The following PDE1A variants were observed in gnomAD, a reference collection of about 807,000 sequenced individuals.
The protein encoded by PDE1A is phosphodiesterase 1A.
PDE1A carries 35 observed loss-of-function variants against 61.7 expected under a neutral mutation model. The observed-to-expected ratio is 0.57, with a 90% CI of 0.43 to 0.75. The LOEUF is 0.75. PDE1A is among the 30% of genes least tolerant of loss of function. PDE1A has a pLI of 0.00. For missense variants in PDE1A, 597 were observed against 630.6 expected (o/e 0.95, Z 0.57); for synonymous variants, 232 against 213.2 (o/e 1.09, Z -0.77).
intron 1 of PDE1A, among the ~76,000 whole-genome samples, chr2:182,302,729 C>T (rs1695326076): frequency 6.6e-6 from 1 of 152,286 alleles, no homozygotes; most frequent in South Asian, 2.1e-4. Flanking sequence ...TAGCATTTGA[C>T]CCACAGTACT....
the PDE1A span, among the ~76,000 whole-genome samples, chr2:182,544,593 T>G: frequency 0.78 from 117,727 of 151,658 alleles, 47,359 homozygotes; most frequent in East Asian, 1. Context: ...GTCGTGGAGA[T>G]AGAATTTGTT....
downstream of PDE1A, among the ~76,000 whole-genome samples, chr2:182,166,637 G>A (rs1691666688): frequency 6.6e-6 from 1 of 152,098 alleles, no homozygotes; most frequent in Non-Finnish European, 1.5e-5. Flanking sequence ...ATGGGACTTT[G>A]CCTTTATGAC....
intron 1 of PDE1A, among the ~76,000 whole-genome samples, chr2:182,397,773 T>C (rs949114792): frequency 3.3e-5 from 5 of 152,216 alleles, no homozygotes; most frequent in African/African-American, 1.2e-4. Context: ...TTTTTGGTCA[T>C]CTGTGTGTCT....
chr2:182,696,826 G>A, the PDE1A span, among the ~76,000 whole-genome samples: 2 of 152,266 alleles, frequency 1.3e-5, no homozygotes, highest in African/African-American at 2.4e-5. Context: ...AATGTATGAA[G>A]CATGAAGCAA....
chr2:182,607,938 T>C, the PDE1A span, among the ~76,000 whole-genome samples: 1 of 152,190 alleles, frequency 6.6e-6, no homozygotes, highest in Admixed American at 6.5e-5. Context: ...AGAGTTATCG[T>C]ACATTTGGCA....
At chr2:182,406,806 GA>G (rs937969634) in intron 1 of PDE1A, among the ~76,000 whole-genome samples, 1 of 151,688 alleles carries the variant, frequency 6.6e-6, no homozygotes. Context: ...TACAAGAAAT[GA>G]AAAAAATGCA....
the PDE1A span, among the ~76,000 whole-genome samples, chr2:182,628,122 C>A: frequency 6.6e-6 from 1 of 151,972 alleles, no homozygotes; most frequent in Non-Finnish European, 1.5e-5. Context: ...GACCTAGAAG[C>A]AACTAACTGA....
At chr2:182,485,331 A>G (rs2125859188) in intron 2 of PDE1A, among the ~76,000 whole-genome samples, 1 of 152,184 alleles carries the variant, frequency 6.6e-6, no homozygotes, top group East Asian at 1.9e-4. Flanking sequence ...TCATGAACAC[A>G]AAGAAGGAAA....
At chr2:182,597,786 A>G in the PDE1A span, among the ~76,000 whole-genome samples, 1 of 152,204 alleles carries the variant, frequency 6.6e-6, no homozygotes, top group South Asian at 2.1e-4. Context: ...CCCTACAACA[A>G]CTGCGGATGG....
At chr2:182,326,753 T>C (rs1697071772) in intron 1 of PDE1A, among the ~76,000 whole-genome samples, 1 of 152,124 alleles carries the variant, frequency 6.6e-6, no homozygotes, top group South Asian at 2.1e-4. Flanking sequence ...TTAAAGACTA[T>C]CCCTGCAGTT....
the PDE1A span, among the ~76,000 whole-genome samples, chr2:182,685,238 T>C: frequency 6.6e-6 from 1 of 152,110 alleles, no homozygotes; most frequent in African/African-American, 2.4e-5. Flanking sequence ...ATTAAACTTA[T>C]ATATACTAAA....
upstream of PDE1A, among the ~76,000 whole-genome samples, chr2:182,428,209 C>A (rs962197328): frequency 3.3e-5 from 5 of 152,070 alleles, no homozygotes; most frequent in African/African-American, 1.2e-4. Flanking sequence ...CCACTGTGGG[C>A]AAATTTCTTG....
At chr2:182,609,857 G>A in the PDE1A span, among the ~76,000 whole-genome samples, 4 of 152,322 alleles carry the variant, frequency 2.6e-5, no homozygotes, top group African/African-American at 9.6e-5. Context: ...GGAGGCCGAG[G>A]CAGGTGGATC....
At chr2:182,405,010 C>T (rs1331124148) in intron 1 of PDE1A, among the ~76,000 whole-genome samples, 2 of 152,176 alleles carry the variant, frequency 1.3e-5, no homozygotes, top group Non-Finnish European at 2.9e-5. Context: ...TACTTTTATA[C>T]AACTGGCAGT....
the PDE1A span, among the ~76,000 whole-genome samples, chr2:182,629,165 G>C: frequency 6.6e-6 from 1 of 152,224 alleles, no homozygotes; most frequent in South Asian, 2.1e-4. Flanking sequence ...CAACAATAAT[G>C]CAAGCTTGGA....
At chr2:182,474,939 A>T (rs1300963977) in intron 2 of PDE1A, among the ~76,000 whole-genome samples, 1 of 151,938 alleles carries the variant, frequency 6.6e-6, no homozygotes, top group Non-Finnish European at 1.5e-5. Context: ...ACACTGCCAC[A>T]GTCTCTCTCT....
chr2:182,178,986 T>A (rs1385398879), intron 13 of PDE1A, among the ~76,000 whole-genome samples: 1 of 152,048 alleles, frequency 6.6e-6, no homozygotes, highest in African/African-American at 2.4e-5. Flanking sequence ...ACCACAACAT[T>A]AGTCCCCAGG....
At position 182,250,890 on chromosome 2, in the gene PDE1A, G is replaced by A. The variant is rs114194099; in HGVS notation, c.168-10598C>T. Among the ~76,000 whole-genome samples the A allele has an allele frequency of 1.7e-3, 255 of 152,284 alleles. 2 individuals are homozygous for A. Among genetic ancestry groups the A allele is most frequent in the African/African-American group, 5.8e-3 (241 of 41,568 alleles). ...GCAGTGGAGGTCCTGTCCTCCAGGA[G>A]AGGCAGAAAGGACCCAAAGAATGTT... On this transcript the variant is annotated intron_variant, in intron 2 of 13. Coordinates refer to ENST00000351439, the Ensembl canonical transcript of PDE1A.
At chr2:182,549,232 G>A in the PDE1A span, among the ~76,000 whole-genome samples, 153 of 151,500 alleles carry the variant, frequency 1.0e-3, no homozygotes, top group South Asian at 5.2e-3. Flanking sequence ...AAGCACAATC[G>A]ATTTCTATTG....
Sources: gnomAD v4.1 joint callset for allele counts (sites outside exome capture counted in the v4.1 genomes callset) on GRCh38, gnomAD v4.1.1 for gene constraint, MANE v1.5 for transcripts, NCBI Gene and HGNC (gene_info 2026-07-23, HGNC 2026-07-21) for gene names.